GBP7: variants seen among roughly 807,000 people sequenced by gnomAD.
GBP7 encodes guanylate binding protein 7.
GBP7 carries 43 observed loss-of-function variants against 61.3 expected under a neutral mutation model. The ratio of observed to expected loss-of-function variants is 0.70; its 90% CI spans 0.55 to 0.91. The LOEUF is 0.91. GBP7 is among the 40% of genes least tolerant of loss of function. The pLI is 0.00. For missense variants in GBP7, 717 were observed against 740.5 expected (o/e 0.97, Z 0.37); for synonymous variants, 267 against 271.0 (o/e 0.99, Z 0.14).
intron 3 of GBP7, among the ~76,000 whole-genome samples, chr1:89,158,047 CTGG>C (rs1369537142): frequency 1.3e-5 from 2 of 152,166 alleles, no homozygotes. Context: ...GGATGCAAGG[CTGG>C]TTCAACACAT....
intron 7 of GBP7, 60 bp downstream of exon 7, chr1:89,149,232 G>C: frequency 7.1e-7 from 1 of 1,409,496 alleles, no homozygotes; most frequent in Non-Finnish European, 9.6e-7. Context: ...TAAAAAGGTG[G>C]ACTATAAGTA....
chr1:89,146,473 A>G (rs12727939), intron 8 of GBP7, among the ~76,000 whole-genome samples: 1 of 152,178 alleles, frequency 6.6e-6, no homozygotes, highest in African/African-American at 2.4e-5. Flanking sequence ...AAACAAAGAA[A>G]GGAAAAAAGA....
At chr1:89,149,597 A>G (rs374335851) in intron 6 of GBP7, 25 bp from the exon 7 acceptor site, 34 of 1,584,106 alleles carry the variant, frequency 2.1e-5, no homozygotes, top group Non-Finnish European at 2.7e-5. Flanking sequence ...AAATTTAGGG[A>G]ATAGATAGAA....
Position 89,150,522 on chromosome 1 carries a change from A to C in GBP7, c.679T>G (p.Phe227Val), listed in dbSNP as rs746621949. The change falls in exon 6 of 11, where the codon TTC (phenylalanine) becomes GTC (valine). Residue 227 changes from phenylalanine to valine, a missense_variant. Coordinates refer to ENST00000294671, the MANE Select transcript of GBP7 (RefSeq NM_207398.3). ...ACAAAGCACTTCTGTTTTGGAAAGA[A>C]ATGCCTGATCCACTCCCTGGGCTTG... ...SNKPREWIRH[F>V]FPKQKCFVFD... 1 of 1,614,068 alleles carries C rather than the reference A, an allele frequency of 6.2e-7. No homozygotes were observed. Among genetic ancestry groups the C allele is most frequent in the Admixed American group, 1.7e-5 (1 of 60,030 alleles).
chr1:89,175,480 T>C (rs1647716723), intron 1 of GBP7, among the ~76,000 whole-genome samples: 1 of 152,110 alleles, frequency 6.6e-6, no homozygotes, highest in Non-Finnish European at 1.5e-5. Flanking sequence ...TAGGAATCAA[T>C]CAGTCACCGG....
In GBP7 at chr1:89,150,501, A is replaced by T; in HGVS notation, c.700T>A (p.Phe234Ile). 1 of 1,614,088 alleles carries T rather than the reference A, an allele frequency of 6.2e-7. No individual in the cohort carries two copies. Among genetic ancestry groups the T allele is most frequent in the Non-Finnish European group, 8.5e-7 (1 of 1,179,962 alleles). ...IRHFFPKQKC[F>I]VFDRPINDKK... Reference sequence around the variant, plus strand: ...TCATTTATTGGCCGGTCAAAGACAAAGCACTTCTGTTTTGGAAAGAAATGC... The same window carrying T: ...TCATTTATTGGCCGGTCAAAGACAATGCACTTCTGTTTTGGAAAGAAATGC... Residue 234 changes from phenylalanine to isoleucine, a missense_variant, in exon 6 of 11, where the codon TTT becomes ATT. Phe to Ile is a conservative substitution (Grantham distance 21). Transcript: ENST00000294671.
intron 3 of GBP7, among the ~76,000 whole-genome samples, chr1:89,158,596 A>C (rs544229054): frequency 2.5e-4 from 38 of 152,310 alleles, no homozygotes; most frequent in African/African-American, 8.7e-4. Flanking sequence ...ATCATGAGTG[A>C]ACTCCCATTC....
chr1:89,144,109 A>G (rs1280823724), intron 8 of GBP7, among the ~76,000 whole-genome samples: 1 of 152,146 alleles, frequency 6.6e-6, no homozygotes, highest in East Asian at 1.9e-4. Context: ...GCTCCCACTT[A>G]CAAGTGAGAA....
intron 9 of GBP7, among the ~76,000 whole-genome samples, chr1:89,140,530 C>G (rs1167092738): frequency 6.7e-6 from 1 of 149,924 alleles, no homozygotes; most frequent in African/African-American, 2.5e-5. Flanking sequence ...ATGGCTGTTA[C>G]TAAAAAGTAA....
chr1:89,155,988 A>G (rs1448899045), intron 3 of GBP7, among the ~76,000 whole-genome samples: 1 of 152,252 alleles, frequency 6.6e-6, no homozygotes, highest in African/African-American at 2.4e-5. Flanking sequence ...AGGGAAGCCC[A>G]TCAGACTAAT....
At chr1:89,147,875 G>T in intron 7 of GBP7, 96 bp from the exon 8 acceptor site, 1 of 1,251,054 alleles carries the variant, frequency 8.0e-7, no homozygotes, top group Non-Finnish European at 1.2e-6. Context: ...CATGGCCTCA[G>T]AGCAGGCTGA....
chr1:89,169,192 C>G (rs1159739297), intron 2 of GBP7, among the ~76,000 whole-genome samples: 1 of 152,254 alleles, frequency 6.6e-6, no homozygotes, highest in East Asian at 1.9e-4. Context: ...CTCTGTTTTA[C>G]CATGTTATGA....
At chr1:89,132,884 A>G (rs1054753967) in intron 10 of GBP7, among the ~76,000 whole-genome samples, 11 of 152,222 alleles carry the variant, frequency 7.2e-5, no homozygotes, top group African/African-American at 2.7e-4. Context: ...ATTTCATATC[A>G]AGCCAAATCT....
intron 9 of GBP7, among the ~76,000 whole-genome samples, chr1:89,141,164 C>G (rs983658426): frequency 7.0e-6 from 1 of 143,398 alleles, no homozygotes; most frequent in African/African-American, 2.6e-5. Flanking sequence ...ACCCATGTAA[C>G]AAACCTATTT....
At chr1:89,132,695 C>T (rs897075484) in intron 10 of GBP7, among the ~76,000 whole-genome samples, 1 of 152,136 alleles carries the variant, frequency 6.6e-6, no homozygotes, top group African/African-American at 2.4e-5. Context: ...AATTGATTCC[C>T]CTTTCCACCG....
intron 9 of GBP7, among the ~76,000 whole-genome samples, chr1:89,139,414 G>A (rs557997604): frequency 1.9e-4 from 29 of 152,280 alleles, no homozygotes; most frequent in African/African-American, 7.0e-4. Context: ...AACACCAAAA[G>A]CAATGGCAAC....
chr1:89,140,694 C>G (rs1480164581), intron 9 of GBP7, among the ~76,000 whole-genome samples: 2 of 152,168 alleles, frequency 1.3e-5, no homozygotes, highest in Non-Finnish European at 2.9e-5. Flanking sequence ...AATCCCATTA[C>G]TGCTTATATA....
intron 8 of GBP7, among the ~76,000 whole-genome samples, chr1:89,145,235 G>A (rs1221899504): frequency 6.6e-6 from 1 of 152,136 alleles, no homozygotes; most frequent in Non-Finnish European, 1.5e-5. Context: ...AGAGGTGTGA[G>A]CCACTGTGCC....
chr1:89,139,142 A>G (rs1230432058), intron 9 of GBP7, among the ~76,000 whole-genome samples: 2 of 152,186 alleles, frequency 1.3e-5, no homozygotes, highest in Admixed American at 6.5e-5. Flanking sequence ...ATAATGCCAC[A>G]TATCTACAAC....
Sources: allele counts gnomAD v4.1 joint callset (sites outside exome capture counted in the v4.1 genomes callset), GRCh38; gene constraint gnomAD v4.1.1; transcripts MANE v1.5; gene names NCBI Gene and HGNC (gene_info 2026-07-23, HGNC 2026-07-21).